Variants in NLRP13 observed in about 807,000 individuals in gnomAD.
NLRP13 encodes the protein NACHT, LRR and PYD domains-containing protein 13.
Under a neutral mutation model 94.4 loss-of-function variants are expected in NLRP13, and 82 were observed. The observed-to-expected ratio is 0.87, with a 90% CI of 0.73 to 1.04. NLRP13 has a LOEUF of 1.04. Among genes scored for constraint, NLRP13 ranks in the 50% least tolerant of loss-of-function variants. NLRP13 has a pLI of 0.00. For missense variants in NLRP13, 1,426 were observed against 1,230.8 expected (o/e 1.16, Z -2.37); for synonymous variants, 553 against 464.7 (o/e 1.19, Z -2.45).
At chr19:55,893,178 C>T (rs982388240), downstream of NLRP13, among the ~76,000 whole-genome samples, 77 of 152,162 alleles carry the variant, frequency 5.1e-4, no homozygotes, top group African/African-American at 1.7e-3. Context: ...TACCTGAGGT[C>T]GGCAGTTCTA....
downstream of NLRP13, among the ~76,000 whole-genome samples, chr19:55,892,282 T>C (rs1035438714): frequency 2.0e-5 from 3 of 152,154 alleles, no homozygotes; most frequent in African/African-American, 7.2e-5. Context: ...GTAGTGAGTA[T>C]AGCACCTGAA....
At chr19:55,895,055 CT>C (rs1399290600), downstream of NLRP13, among the ~76,000 whole-genome samples, 3 of 152,032 alleles carry the variant, frequency 2.0e-5, no homozygotes. Flanking sequence ...ACCAAAATTA[CT>C]TTGTACCAAC....
chr19:55,907,707 G>A, intron 7 of NLRP13, 85 bp downstream of exon 7: 9 of 1,280,464 alleles, frequency 7.0e-6, no homozygotes, highest in Non-Finnish European at 1.0e-5. Context: ...ACAAGGCTGA[G>A]TGCTGTCAGC....
At position 55,912,361 on chromosome 19, in the gene NLRP13, G is replaced by C. The variant is rs1016760930; in HGVS notation, c.1456C>G (p.Leu486Val). 2 of 1,613,982 alleles carry C rather than the reference G, an allele frequency of 1.2e-6. No homozygotes were observed. The highest frequency in any genetic ancestry group is 2.7e-5 in the African/African-American group (2 of 74,908). ...ATAGACCACAGCCCTTCTATGGCCA[G>C]ACTGCAGAGGGCCCTCCATTGTCCT... ...WPGQWRALCS[L>V]AIEGLWSMNF... Residue 486 changes from leucine (L) to valine (V), a missense_variant, in exon 5 of 11, where the codon CTG (leucine) becomes GTG (valine). Coordinates refer to ENST00000342929, the MANE Select transcript of NLRP13 (RefSeq NM_176810.2).
chr19:55,925,963 G>A (rs913355548), intron 1 of NLRP13, among the ~76,000 whole-genome samples: 2 of 152,046 alleles, frequency 1.3e-5, no homozygotes, highest in Non-Finnish European at 2.9e-5. Flanking sequence ...TGGAGTCTGA[G>A]CCCTACGTCC....
chr19:55,905,692 C>T (rs1392971651), intron 7 of NLRP13, among the ~76,000 whole-genome samples: 1 of 151,848 alleles, frequency 6.6e-6, no homozygotes, highest in African/African-American at 2.4e-5. Flanking sequence ...TTTCTCAGCC[C>T]TATTGAGGTG....
Position 55,913,260 on chromosome 19 carries a change from G to T in NLRP13, c.557C>A (p.Ala186Asp). 1 of 1,614,114 alleles carries T rather than the reference G, an allele frequency of 6.2e-7. No homozygotes were observed. Among genetic ancestry groups the T allele is most frequent in the Non-Finnish European group, 8.5e-7 (1 of 1,180,012 alleles). ...GTTGTCCCATGTCTCCAGTAGTTCA[G>T]CCTTCATGTTCTCTCTGTATTTTCT... is the stretch of plus-strand genomic sequence containing the variant. ...HRRKYRENMK[A>D]ELLETWDNIS... Residue 186 changes from alanine (A) to aspartate (D), a missense_variant, in exon 5 of 11, where the codon GCT (alanine) becomes GAT (aspartate). Ala to Asp is a moderately radical substitution (Grantham distance 126, BLOSUM62 -2). Coordinates refer to ENST00000342929, the MANE Select transcript of NLRP13 (RefSeq NM_176810.2).
rs919128000 is a variant in NLRP13 at position 55,910,518 on chromosome 19, A to T, written c.2282+45T>A. ...CTCATCAAAAGAGAGAAGTTGGGAG[A>T]TTCTCCTAGGGTATCTTCTTGAGCT... On this transcript the variant is annotated intron_variant, in intron 6 of 10. Transcript: ENST00000342929. The T allele has an allele frequency of 3.4e-6, 5 of 1,480,762 alleles. No homozygotes were observed. The Admixed American group carries it at 1.0e-4, about 30-fold the overall frequency. 91.7% of individuals were successfully genotyped at this position (1,480,762 alleles called of 1,614,324 possible).
chr19:55,913,199 AT>A lies in NLRP13; in HGVS notation c.617del (p.Asn206IlefsTer26), dbSNP rs762288148. On this transcript the variant is annotated frameshift_variant, in exon 5 of 11. Transcript: ENST00000342929. LOFTEE classifies it high-confidence loss of function. ...GTTCCTCATGTTCGTCCTTTGATGT[AT>A]TACGGATATATACGTGGTCTTTAGG... The part of the protein sequence containing the change: ...SWPKDHVYIR[N>X]TSKDEHEELQ... 22 of 1,613,940 alleles carry A rather than the reference AT, an allele frequency of 1.4e-5. No homozygotes were observed. In the South Asian group the frequency reaches 1.6e-4, roughly 12 times the overall value.
At chr19:55,914,408 G>T (rs75613567) in intron 4 of NLRP13, among the ~76,000 whole-genome samples, 4,908 of 152,234 alleles carry the variant, frequency 0.032, 270 homozygotes, top group African/African-American at 0.11. Context: ...GTTTTATAAA[G>T]AATAGATTAT....
At chr19:55,903,791 G>GA (rs1236009525) in intron 8 of NLRP13, among the ~76,000 whole-genome samples, 1 of 151,982 alleles carries the variant, frequency 6.6e-6, no homozygotes, top group African/African-American at 2.4e-5. Context: ...GATCTATCCT[G>GA]AAATCCTATA....
chr19:55,895,213 G>A (rs370041214), downstream of NLRP13, among the ~76,000 whole-genome samples: 68 of 92,458 alleles, frequency 7.4e-4, no homozygotes, highest in Middle Eastern at 5.9e-3. Flanking sequence ...AAAAAAAAAA[G>A]AAAGAAAAGA....
chr19:55,895,871 G>A (rs1490590938), downstream of NLRP13: 2 of 1,509,680 alleles, frequency 1.3e-6, no homozygotes, highest in African/African-American at 1.4e-5. Flanking sequence ...ATGGAAACCT[G>A]ACACATGCTC....
At chr19:55,930,898 A>ATATATATATATACACACACACGTAT in intron 1 of NLRP13, among the ~76,000 whole-genome samples, 1 of 104,898 alleles carries the variant, frequency 9.5e-6, no homozygotes, top group Non-Finnish European at 1.9e-5. Context: ...ATATATATAT[A>ATATATATATATACACACACACGTAT]AAATTTTAAC....
intron 1 of NLRP13, among the ~76,000 whole-genome samples, chr19:55,928,595 G>T (rs1322139071): frequency 6.6e-6 from 1 of 152,102 alleles, no homozygotes; most frequent in African/African-American, 2.4e-5. Flanking sequence ...TTAAAAATCA[G>T]CAACAAGAAA....
intron 4 of NLRP13, among the ~76,000 whole-genome samples, chr19:55,921,822 C>G (rs762595633): frequency 1.3e-5 from 2 of 152,068 alleles, no homozygotes; most frequent in Non-Finnish European, 2.9e-5. Flanking sequence ...GAGGCCACAA[C>G]CCAAGAAATA....
rs948820298 is a variant in NLRP13 at position 55,899,063 on chromosome 19, T to A, written c.2790-126A>T. On this transcript the variant is annotated intron_variant, in intron 9 of 10. Coordinates refer to ENST00000342929, the MANE Select transcript of NLRP13 (RefSeq NM_176810.2). ...TGAAGCCAGACTTTTGTCCCAAGCCTCGAAGGAGGAGGGTGCGAGTCAGGA... is the reference window on the plus strand; with the variant it reads ...TGAAGCCAGACTTTTGTCCCAAGCCACGAAGGAGGAGGGTGCGAGTCAGGA... The A allele has an allele frequency of 5.9e-6, 6 of 1,014,424 alleles. No individual in the cohort carries two copies. In the African/African-American group the frequency reaches 9.8e-5, roughly 17 times the overall value. 62.8% of individuals were successfully genotyped at this position (1,014,424 alleles called of 1,614,324 possible). A position where few individuals can be genotyped will look rare whatever the true frequency, so the allele number is the denominator to read the frequency against.
intron 2 of NLRP13, 114 bp downstream of exon 2, chr19:55,924,848 TTTTAA>T: frequency 2.1e-6 from 2 of 955,302 alleles, no homozygotes; most frequent in Non-Finnish European, 3.3e-6. Flanking sequence ...GTTGGAAAGT[TTTTAA>T]TTTTTTATGC....
chr19:55,894,508 A>T (rs1022963806), downstream of NLRP13, among the ~76,000 whole-genome samples: 1 of 152,112 alleles, frequency 6.6e-6, no homozygotes, highest in Non-Finnish European at 1.5e-5. Context: ...CTTCATCTCT[A>T]GTCACCTCTC....
Sources: allele counts gnomAD v4.1 joint callset (sites outside exome capture counted in the v4.1 genomes callset), GRCh38; gene constraint gnomAD v4.1.1; transcripts MANE v1.5; gene names NCBI Gene and HGNC (gene_info 2026-07-23, HGNC 2026-07-21).